Variants in TRPM7 observed in about 807,000 individuals in gnomAD.
The protein encoded by TRPM7 is transient receptor potential cation channel subfamily M member 7, also known as LTRPC ion channel family member 7.
A neutral mutation model predicts 229.7 loss-of-function variants in TRPM7; 134 were observed. The ratio of observed to expected loss-of-function variants is 0.58; its 90% CI spans 0.51 to 0.67. The LOEUF (loss-of-function observed/expected upper bound fraction) is 0.67. TRPM7 is among the 30% of genes least tolerant of loss of function. The probability of loss-of-function intolerance (pLI) is 0.00; values close to 1 mark genes in which losing one functional copy is unlikely to be tolerated. For synonymous variants in TRPM7, 699 were observed against 715.2 expected (o/e 0.98, Z 0.36); for missense variants, 1,901 against 2,210.0 (o/e 0.86, Z 2.80).
chr15:50,613,604 G>T, intron 15 of TRPM7, 103 bp downstream of exon 15: 1 of 1,052,154 alleles, frequency 9.5e-7, no homozygotes, highest in Non-Finnish European at 1.3e-6. Flanking sequence ...AAAACGAAAG[G>T]TAATTCTTAC....
intron 31 of TRPM7, among the ~76,000 whole-genome samples, chr15:50,578,337 A>T (rs2054235286): frequency 6.6e-6 from 1 of 152,236 alleles, no homozygotes; most frequent in Admixed American, 6.5e-5. Flanking sequence ...AGAATAACTC[A>T]GCTGACTAAA....
At chr15:50,615,803 G>C (rs896928761) in intron 13 of TRPM7, among the ~76,000 whole-genome samples, 2 of 152,038 alleles carry the variant, frequency 1.3e-5, no homozygotes, top group Admixed American at 1.3e-4. Flanking sequence ...GGCTGAGGCA[G>C]AAGAATCGCT....
At position 50,560,105 on chromosome 15, in the gene TRPM7, C is replaced by T. The variant is rs1196026760; in HGVS notation, c.*1573G>A. 6.6e-6 allele frequency: 1 copy of T among 151,390 alleles called. No individual in the cohort carries two copies. The highest frequency in any genetic ancestry group is 1.5e-5 in the Non-Finnish European group (1 of 67,928). 9.4% of individuals were successfully genotyped at this position (151,390 alleles called of 1,614,324 possible). A position where few individuals can be genotyped will look rare whatever the true frequency, so the allele number is the denominator to read the frequency against. On this transcript the variant is annotated 3_prime_UTR_variant, in exon 39 of 39. Transcript: ENST00000646667. Reference sequence around the variant, plus strand: ...AAAAATCAACAGACAGCCCATATTGCCCTTTTTTGGCCTAACAAAAAACAG... The same window carrying T: ...AAAAATCAACAGACAGCCCATATTGTCCTTTTTTGGCCTAACAAAAAACAG...
chr15:50,618,252 G>A (rs555471048), intron 13 of TRPM7, among the ~76,000 whole-genome samples: 3 of 151,936 alleles, frequency 2.0e-5, no homozygotes, highest in African/African-American at 4.8e-5. Context: ...AGTGTTATGC[G>A]TTCATCACCA....
At chr15:50,611,860 T>G (rs1159655735) in intron 16 of TRPM7, among the ~76,000 whole-genome samples, 1 of 152,212 alleles carries the variant, frequency 6.6e-6, no homozygotes, top group Non-Finnish European at 1.5e-5. Flanking sequence ...TTCTACAAAC[T>G]ACTTTTCCAG....
chr15:50,643,872 A>T (rs1354044269), intron 4 of TRPM7, among the ~76,000 whole-genome samples: 1 of 152,208 alleles, frequency 6.6e-6, no homozygotes, highest in Non-Finnish European at 1.5e-5. Context: ...GCCTTCTTTA[A>T]CTATGACTAC....
chr15:50,639,195 G>C (rs2061011634), intron 6 of TRPM7, among the ~76,000 whole-genome samples: 1 of 152,148 alleles, frequency 6.6e-6, no homozygotes, highest in Non-Finnish European at 1.5e-5. Flanking sequence ...AAAGCAAAAT[G>C]TGCCAACACT....
In TRPM7 at chr15:50,592,122, C is replaced by G; in HGVS notation, c.4113G>C (p.Gly1371=). Reference sequence around the variant, plus strand: ...TATTAAATATTTTTAAGAGTTCTACCCCATGTAGTCTCTGTCGCAGTTCTG... The same window carrying G: ...TATTAAATATTTTTAAGAGTTCTACGCCATGTAGTCTCTGTCGCAGTTCTG... ...SPPELRQRLH[G]VELLKIFNKN... Residue 1371 remains glycine, a synonymous_variant, in exon 26 of 39, where the codon GGG becomes GGC. Transcript: ENST00000646667. 6.2e-7 allele frequency: 1 copy of G among 1,612,968 alleles called. No homozygotes were observed. The highest frequency in any genetic ancestry group is 1.1e-5 in the South Asian group (1 of 90,878).
At position 50,561,422 on chromosome 15, in the gene TRPM7, A is replaced by C. The variant is rs930580711; in HGVS notation, c.*256T>G. On this transcript the variant is annotated 3_prime_UTR_variant, in exon 39 of 39. Transcript: ENST00000646667. ...GTCAAATGAGATCCTCTGCTATACA[A>C]AGAGCCCTTTAAAAAGTTATAAATA... 2.7e-5 allele frequency: 10 copies of C among 375,592 alleles called. No individual in the cohort carries two copies. Among genetic ancestry groups the C allele is most frequent in the African/African-American group, 1.9e-4 (9 of 47,160 alleles). 23.3% of individuals were successfully genotyped at this position (375,592 alleles called of 1,614,324 possible).
chr15:50,686,711 C>T lies in TRPM7; in HGVS notation c.-178G>A, dbSNP rs1361061786. On this transcript the variant is annotated 5_prime_UTR_variant, in exon 1 of 39. Transcript: ENST00000646667. ...CCGGCGCTAGCAGCAGAAGCCGAGT[C>T]TTTCATAATTGTGCGACCAACTCCT... 6.3e-6 allele frequency: 5 copies of T among 798,912 alleles called. No homozygotes were observed. Among genetic ancestry groups the T allele is most frequent in the Non-Finnish European group, 9.4e-6 (5 of 531,242 alleles). 49.5% of individuals were successfully genotyped at this position (798,912 alleles called of 1,614,324 possible). A position where few individuals can be genotyped will look rare whatever the true frequency, so the allele number is the denominator to read the frequency against.
chr15:50,580,784 G>A, intron 30 of TRPM7, 90 bp downstream of exon 30: 1 of 1,203,492 alleles, frequency 8.3e-7, no homozygotes, highest in Non-Finnish European at 1.2e-6. Context: ...ATAAAGAAAT[G>A]TTAAAGAGAT....
At chr15:50,583,187 A>G in intron 28 of TRPM7, 28 bp from the exon 29 acceptor site, 1 of 1,550,196 alleles carries the variant, frequency 6.5e-7, no homozygotes, top group East Asian at 2.3e-5. Flanking sequence ...AATATAAAAA[A>G]GCTACACAAC....
chr15:50,578,963 T>C (rs940418879), intron 30 of TRPM7, among the ~76,000 whole-genome samples: 2 of 152,074 alleles, frequency 1.3e-5, no homozygotes, highest in Non-Finnish European at 2.9e-5. Flanking sequence ...AATAAACTAT[T>C]TCATAACTTC....
intron 28 of TRPM7, among the ~76,000 whole-genome samples, chr15:50,585,811 T>A (rs997055483): frequency 1.3e-5 from 2 of 152,202 alleles, no homozygotes; most frequent in Non-Finnish European, 2.9e-5. Context: ...TTATAAAAAA[T>A]TATGATATGG....
intron 5 of TRPM7, among the ~76,000 whole-genome samples, 165 bp from the exon 6 acceptor site, chr15:50,639,713 C>A (rs984529486): frequency 6.6e-6 from 1 of 151,008 alleles, no homozygotes; most frequent in Non-Finnish European, 1.5e-5. Context: ...ACTACAGGTG[C>A]GTGCTAAGAC....
chr15:50,583,188 G>A (rs770720000), intron 28 of TRPM7, 29 bp from the exon 29 acceptor site: 1 of 1,534,054 alleles, frequency 6.5e-7, no homozygotes, highest in Non-Finnish European at 8.9e-7. Flanking sequence ...ATATAAAAAA[G>A]CTACACAACT....
rs1187832332 is a variant in TRPM7 at position 50,605,856 on chromosome 15, CAT to C, written c.2710-714_2710-713del. Among the ~76,000 whole-genome samples the C allele has an allele frequency of 2.6e-5, 4 of 152,030 alleles. No individual in the cohort carries two copies. The East Asian group carries it at 5.8e-4, about 22-fold the overall frequency. On this transcript the variant is annotated intron_variant, in intron 20 of 38. Transcript: ENST00000646667. ...CTGATAAAACAACAGATTTAATAAA[CAT>C]ATGGATCATAACACTCAGAGGAATT...
chr15:50,664,330 T>C (rs565698650), intron 1 of TRPM7, among the ~76,000 whole-genome samples: 25 of 128,268 alleles, frequency 1.9e-4, no homozygotes, highest in African/African-American at 7.2e-4. Flanking sequence ...AAAAAAAAAG[T>C]GATAGATTGA....
intron 8 of TRPM7, among the ~76,000 whole-genome samples, 175 bp downstream of exon 8, chr15:50,634,207 G>A (rs1025881318): frequency 7.9e-5 from 12 of 152,120 alleles, no homozygotes; most frequent in African/African-American, 2.7e-4. Context: ...TGTAATCCCA[G>A]CTAATTGGGA....
Sources: gnomAD v4.1 joint callset for allele counts (sites outside exome capture counted in the v4.1 genomes callset) on GRCh38, gnomAD v4.1.1 for gene constraint, MANE v1.5 for transcripts, NCBI Gene and HGNC (gene_info 2026-07-23, HGNC 2026-07-21) for gene names.